Variants in LY86 observed in about 807,000 individuals in gnomAD.
LY86 encodes MD-1, RP105-associated.
A neutral mutation model predicts 17.3 loss-of-function variants in LY86; 20 were observed. That is an observed-to-expected ratio of 1.15 (90% CI 0.81 to 1.68). The LOEUF is 1.68. LY86 is among the 40% of genes most tolerant of loss of function. The probability of loss-of-function intolerance (pLI) is 0.00; values close to 1 mark genes in which losing one functional copy is unlikely to be tolerated. For missense variants in LY86, 200 were observed against 191.9 expected (o/e 1.04, Z -0.25); for synonymous variants, 74 against 70.6 (o/e 1.05, Z -0.24).
At chr6:6,594,561 G>A (rs934723207) in intron 1 of LY86, among the ~76,000 whole-genome samples, 3 of 152,190 alleles carry the variant, frequency 2.0e-5, no homozygotes, top group African/African-American at 7.2e-5. Flanking sequence ...CCCTGGCCAA[G>A]AGTAGGAAGG....
intron 3 of LY86, among the ~76,000 whole-genome samples, chr6:6,639,286 T>C (rs1762005112): frequency 6.6e-6 from 1 of 152,206 alleles, no homozygotes; most frequent in Non-Finnish European, 1.5e-5. Flanking sequence ...TACATCCGTG[T>C]CATGGTTCTG....
chr6:6,605,958 A>C (rs988705030), intron 1 of LY86, among the ~76,000 whole-genome samples: 1 of 152,014 alleles, frequency 6.6e-6, no homozygotes, highest in South Asian at 2.1e-4. Context: ...TCATAAAAGA[A>C]GCGTGGACCC....
chr6:6,636,689 C>A (rs141680439), intron 3 of LY86, among the ~76,000 whole-genome samples: 113 of 152,238 alleles, frequency 7.4e-4, no homozygotes, highest in Non-Finnish European at 1.0e-3. Context: ...TCATTTGCAT[C>A]TCTCATGGAA....
chr6:6,594,787 G>A (rs372384595), intron 1 of LY86, among the ~76,000 whole-genome samples: 11 of 152,308 alleles, frequency 7.2e-5, no homozygotes, highest in East Asian at 5.8e-4. Context: ...CATTGACAAA[G>A]CCTCATTTAA....
intron 1 of LY86, among the ~76,000 whole-genome samples, chr6:6,593,915 C>G (rs1245938738): frequency 3.3e-5 from 5 of 152,222 alleles, no homozygotes; most frequent in Non-Finnish European, 5.9e-5. Flanking sequence ...ATATAGCATA[C>G]AGCAATCACA....
At chr6:6,612,544 A>C (rs939852976) in intron 1 of LY86, among the ~76,000 whole-genome samples, 3 of 152,328 alleles carry the variant, frequency 2.0e-5, no homozygotes, top group East Asian at 1.9e-4. Flanking sequence ...ACACAAAAGC[A>C]ACGAAACAAC....
chr6:6,596,187 C>A (rs1250929247), intron 1 of LY86, among the ~76,000 whole-genome samples: 2 of 152,210 alleles, frequency 1.3e-5, no homozygotes, highest in African/African-American at 4.8e-5. Flanking sequence ...ATTAATCAGA[C>A]TTGAAGAATG....
intron 1 of LY86, among the ~76,000 whole-genome samples, chr6:6,594,134 T>C (rs1365735861): frequency 6.6e-6 from 1 of 152,240 alleles, no homozygotes; most frequent in Non-Finnish European, 1.5e-5. Flanking sequence ...GAGGAGGACC[T>C]GTGACACATG....
chr6:6,607,734 T>C (rs1761226353), intron 1 of LY86, among the ~76,000 whole-genome samples: 1 of 152,050 alleles, frequency 6.6e-6, no homozygotes, highest in South Asian at 2.1e-4. Flanking sequence ...ACCCCGTCTC[T>C]ACAAAAAATA....
At chr6:6,605,186 T>C (rs949276467) in intron 1 of LY86, among the ~76,000 whole-genome samples, 1 of 152,196 alleles carries the variant, frequency 6.6e-6, no homozygotes, top group Non-Finnish European at 1.5e-5. Context: ...TAATGATGAA[T>C]TTGGAACAAG....
intron 1 of LY86, among the ~76,000 whole-genome samples, chr6:6,604,210 CAA>C (rs1034900478): frequency 2.6e-5 from 4 of 151,902 alleles, no homozygotes; most frequent in African/African-American, 7.3e-5. Flanking sequence ...GTCCAAAATT[CAA>C]AAAGACAAGG....
Position 6,626,438 on chromosome 6 carries a change from G to A in LY86, c.352+17G>A. 1 of 1,612,678 alleles carries A rather than the reference G, an allele frequency of 6.2e-7. No homozygotes were observed. Among genetic ancestry groups the A allele is most frequent in the Non-Finnish European group, 8.5e-7 (1 of 1,179,818 alleles). Reference sequence around the variant, plus strand: ...GGAAAGGAGGTAAGCCATCTGTCTTGCTCACTGCTGGCAGGGGCCTGCAGA... The same window carrying A: ...GGAAAGGAGGTAAGCCATCTGTCTTACTCACTGCTGGCAGGGGCCTGCAGA... On this transcript the variant is annotated intron_variant, in intron 3 of 4. Transcript: ENST00000230568.
At chr6:6,608,463 C>CT (rs1761252057) in intron 1 of LY86, among the ~76,000 whole-genome samples, 1 of 152,186 alleles carries the variant, frequency 6.6e-6, no homozygotes, top group South Asian at 2.1e-4. Context: ...GTTGTTTCCA[C>CT]TTTTTTGCAA....
intron 4 of LY86, among the ~76,000 whole-genome samples, chr6:6,650,808 C>G (rs1412062370): frequency 1.3e-5 from 2 of 152,170 alleles, no homozygotes; most frequent in Non-Finnish European, 2.9e-5. Flanking sequence ...CTATCAAACA[C>G]TGAATTTATG....
intron 3 of LY86, among the ~76,000 whole-genome samples, chr6:6,626,639 A>G (rs879943372): frequency 1.3e-5 from 2 of 152,206 alleles, no homozygotes; most frequent in African/African-American, 4.8e-5. Flanking sequence ...AAATGAAATG[A>G]CACGTATGAG....
intron 1 of LY86, among the ~76,000 whole-genome samples, chr6:6,606,806 C>T (rs71559123): frequency 1.3e-5 from 2 of 152,264 alleles, no homozygotes; most frequent in African/African-American, 2.4e-5. Flanking sequence ...TTACGCCTCT[C>T]CCTCCACACC....
chr6:6,628,073 T>C (rs936353259), intron 3 of LY86, among the ~76,000 whole-genome samples: 2 of 152,174 alleles, frequency 1.3e-5, no homozygotes, highest in Non-Finnish European at 2.9e-5. Context: ...CTTAAAATCA[T>C]AAGTCAGTTT....
chr6:6,589,259 C>T (rs149445871), intron 1 of LY86, among the ~76,000 whole-genome samples: 2 of 152,304 alleles, frequency 1.3e-5, no homozygotes, highest in African/African-American at 4.8e-5. Context: ...ACCTGGGCTA[C>T]CTTTCCATCT....
At chr6:6,594,702 T>C (rs552502670) in intron 1 of LY86, among the ~76,000 whole-genome samples, 11 of 152,294 alleles carry the variant, frequency 7.2e-5, no homozygotes, top group Admixed American at 3.9e-4. Context: ...ATTTATAAGA[T>C]CCTTTTCAGA....
Sources: gnomAD v4.1 joint callset for allele counts (sites outside exome capture counted in the v4.1 genomes callset) on GRCh38, gnomAD v4.1.1 for gene constraint, MANE v1.5 for transcripts, NCBI Gene and HGNC (gene_info 2026-07-23, HGNC 2026-07-21) for gene names.